The following UBE2E2 variants were observed in gnomAD, a reference collection of about 807,000 sequenced individuals.
UBE2E2 encodes the protein ubiquitin conjugating enzyme E2 E2, also known as ubiquitin-conjugating enzyme E2 E2.
Under a neutral mutation model 24.7 loss-of-function variants are expected in UBE2E2, and 6 were observed. The observed-to-expected ratio is 0.24, with a 90% CI of 0.13 to 0.48. The LOEUF (loss-of-function observed/expected upper bound fraction) is 0.48, where lower values mean the gene tolerates loss of function less well. UBE2E2 is among the 20% of genes least tolerant of loss of function. The pLI, the probability that UBE2E2 is intolerant of heterozygous loss-of-function variation, is 0.99. For missense variants in UBE2E2, 169 were observed against 245.0 expected (o/e 0.69, Z 2.07); for synonymous variants, 104 against 83.6 (o/e 1.24, Z -1.33).
At chr3:23,355,316 A>G (rs568962312) in intron 3 of UBE2E2, among the ~76,000 whole-genome samples, 2 of 152,256 alleles carry the variant, frequency 1.3e-5, no homozygotes, top group South Asian at 4.2e-4. Context: ...CCAGCATGGC[A>G]AATGTATACA....
At chr3:23,409,480 A>C (rs773584147) in intron 3 of UBE2E2, among the ~76,000 whole-genome samples, 1 of 152,126 alleles carries the variant, frequency 6.6e-6, no homozygotes, top group Admixed American at 6.5e-5. Flanking sequence ...GGAGAAGACA[A>C]TGTGTGGTTT....
At chr3:23,212,204 A>G (rs1184243570) in intron 2 of UBE2E2, among the ~76,000 whole-genome samples, 4 of 152,158 alleles carry the variant, frequency 2.6e-5, no homozygotes, top group Admixed American at 6.6e-5. Flanking sequence ...GTATTTAAAC[A>G]GCAGTAGAAA....
chr3:23,471,948 A>AC (rs954089322), intron 3 of UBE2E2, among the ~76,000 whole-genome samples: 13 of 152,024 alleles, frequency 8.6e-5, no homozygotes, highest in Admixed American at 3.3e-4. Context: ...CTTTAAAAAA[A>AC]AAAAAAGGAA....
chr3:23,416,617 G>A (rs1398509945), intron 3 of UBE2E2, among the ~76,000 whole-genome samples: 1 of 152,132 alleles, frequency 6.6e-6, no homozygotes, highest in Non-Finnish European at 1.5e-5. Context: ...GTTTGGGGAA[G>A]TTCTCCTGGA....
chr3:23,409,593 A>G (rs1697451884), intron 3 of UBE2E2, among the ~76,000 whole-genome samples: 1 of 152,186 alleles, frequency 6.6e-6, no homozygotes, highest in African/African-American at 2.4e-5. Context: ...CATTCTTTGT[A>G]CTATTACTGA....
At chr3:23,388,747 C>T (rs1349202747) in intron 3 of UBE2E2, among the ~76,000 whole-genome samples, 3 of 152,060 alleles carry the variant, frequency 2.0e-5, no homozygotes, top group African/African-American at 7.2e-5. Flanking sequence ...TGGCTCACGC[C>T]TGTAATCCCA....
chr3:23,414,258 C>A (rs921783677), intron 3 of UBE2E2, among the ~76,000 whole-genome samples: 11 of 152,106 alleles, frequency 7.2e-5, no homozygotes, highest in African/African-American at 2.4e-4. Flanking sequence ...AAGAGAGACC[C>A]CACTGGCTGG....
intron 3 of UBE2E2, among the ~76,000 whole-genome samples, chr3:23,295,429 A>G (rs567526172): frequency 3.9e-5 from 6 of 152,326 alleles, no homozygotes; most frequent in South Asian, 2.1e-4. Flanking sequence ...TGCAAGTGAC[A>G]TAAGGGAATG....
At chr3:23,263,865 A>G (rs1282448906) in intron 3 of UBE2E2, among the ~76,000 whole-genome samples, 2 of 152,198 alleles carry the variant, frequency 1.3e-5, no homozygotes, top group East Asian at 1.9e-4. Context: ...GCGAAACTGC[A>G]TAGGTCAGTT....
intron 2 of UBE2E2, among the ~76,000 whole-genome samples, chr3:23,215,008 A>C (rs1029371844): frequency 2.0e-5 from 3 of 152,072 alleles, no homozygotes; most frequent in Middle Eastern, 3.2e-3. Context: ...TTGCTTACCT[A>C]TTCTTCCTTT....
chr3:23,469,613 T>A (rs1698992677), intron 3 of UBE2E2, among the ~76,000 whole-genome samples: 1 of 152,124 alleles, frequency 6.6e-6, no homozygotes, highest in African/African-American at 2.4e-5. Flanking sequence ...TAAAGCAGAG[T>A]TGAACCTGCC....
At chr3:23,305,680 G>A (rs1270955187) in intron 3 of UBE2E2, among the ~76,000 whole-genome samples, 1 of 152,160 alleles carries the variant, frequency 6.6e-6, no homozygotes. Flanking sequence ...AGAGGACAGT[G>A]TTTAATGGTC....
chr3:23,281,939 A>G (rs975511862), intron 3 of UBE2E2, among the ~76,000 whole-genome samples: 1 of 152,216 alleles, frequency 6.6e-6, no homozygotes, highest in African/African-American at 2.4e-5. Context: ...TTTGTGCCAC[A>G]AAGAGTTTTG....
intron 3 of UBE2E2, among the ~76,000 whole-genome samples, chr3:23,484,367 C>T (rs992259929): frequency 1.3e-5 from 2 of 152,124 alleles, no homozygotes; most frequent in African/African-American, 4.8e-5. Flanking sequence ...GTTTCTTTTT[C>T]TCAGGTCGGT....
intron 3 of UBE2E2, among the ~76,000 whole-genome samples, chr3:23,257,815 G>T (rs949664956): frequency 6.6e-6 from 1 of 151,858 alleles, no homozygotes; most frequent in African/African-American, 2.4e-5. Flanking sequence ...GCTGGCATTT[G>T]CTTTACTCTC....
intron 5 of UBE2E2, among the ~76,000 whole-genome samples, chr3:23,546,454 A>G (rs1575698479): frequency 7.1e-6 from 1 of 140,780 alleles, no homozygotes; most frequent in Non-Finnish European, 1.5e-5. Flanking sequence ...AGTCAAGAAC[A>G]TTTAGATTTT....
At position 23,328,647 on chromosome 3, in the gene UBE2E2, G is replaced by A. The variant is rs566761788; in HGVS notation, c.227+111335G>A. 1.5e-4 allele frequency among the ~76,000 whole-genome samples: 22 copies of A among 147,766 alleles called. No individual in the cohort carries two copies. The South Asian group carries it at 4.3e-3, about 29-fold the overall frequency. On this transcript the variant is annotated intron_variant, in intron 3 of 5. Coordinates refer to ENST00000396703, the MANE Select transcript of UBE2E2 (RefSeq NM_152653.4). ...TGTAGATTCATTTAGCTAAAATGCC[G>A]TAATCTCTCTCTCTCTTTTTTTTTT...
At chr3:23,429,064 A>G (rs1216851807) in intron 3 of UBE2E2, among the ~76,000 whole-genome samples, 1 of 152,170 alleles carries the variant, frequency 6.6e-6, no homozygotes, top group Non-Finnish European at 1.5e-5. Context: ...CTTGAAAGAT[A>G]CAACCTGCCA....
At chr3:23,305,251 C>G (rs1294188496) in intron 3 of UBE2E2, among the ~76,000 whole-genome samples, 2 of 152,190 alleles carry the variant, frequency 1.3e-5, no homozygotes, top group African/African-American at 4.8e-5. Flanking sequence ...AAATGGCATT[C>G]CATAACAGCT....
Sources: gnomAD v4.1 joint callset for allele counts (sites outside exome capture counted in the v4.1 genomes callset) on GRCh38, gnomAD v4.1.1 for gene constraint, MANE v1.5 for transcripts, NCBI Gene and HGNC (gene_info 2026-07-23, HGNC 2026-07-21) for gene names.